ERBB4: variants seen among roughly 807,000 people sequenced by gnomAD.
ERBB4 encodes erb-b2 receptor tyrosine kinase 4.
A neutral mutation model predicts 158.0 loss-of-function variants in ERBB4; 42 were observed. The observed-to-expected ratio is 0.27, with a 90% confidence interval of 0.21 to 0.34. The LOEUF is 0.34. Ranked by LOEUF, ERBB4 falls within the 10% of genes least tolerant of loss-of-function variation. ERBB4 has a pLI of 1.00. For synonymous variants in ERBB4, 583 were observed against 558.7 expected, an observed-to-expected ratio of 1.04 and a Z score of -0.61; for missense variants, 1,333 against 1,624.1, an observed-to-expected ratio of 0.82 and a Z score of 3.08.
intron 2 of ERBB4, among the ~76,000 whole-genome samples, chr2:212,116,558 C>T (rs893943572): frequency 6.6e-6 from 1 of 152,112 alleles, no homozygotes; most frequent in Non-Finnish European, 1.5e-5. Flanking sequence ...CATGATCCTC[C>T]CACCTCAGCC....
At chr2:212,284,416 T>C (rs926897605) in intron 1 of ERBB4, among the ~76,000 whole-genome samples, 1 of 152,124 alleles carries the variant, frequency 6.6e-6, no homozygotes, top group Non-Finnish European at 1.5e-5. Flanking sequence ...GCATGTTGCA[T>C]TGTCTTTTAC....
At chr2:211,670,965 G>A (rs1311847129) in intron 14 of ERBB4, among the ~76,000 whole-genome samples, 1 of 152,010 alleles carries the variant, frequency 6.6e-6, no homozygotes, top group East Asian at 1.9e-4. Context: ...TGCTACAGAT[G>A]GTAAGCGAAC....
rs1688399280 is a variant in ERBB4 at position 212,458,259 on chromosome 2, A to AG, written c.82+80189dup. Among the ~76,000 whole-genome samples the AG allele has an allele frequency of 2.6e-5, 4 of 152,260 alleles. No homozygotes were observed. In the South Asian group the frequency reaches 8.3e-4, roughly 32 times the overall value. ...TGAAAGGACCATGCAAAGGCAGCCA[A>AG]GGGGAAAATTCCATTTTTTTTTAGG... is the stretch of plus-strand genomic sequence containing the variant. On this transcript the variant is annotated intron_variant, in intron 1 of 27. Coordinates refer to ENST00000342788, the MANE Select transcript of ERBB4 (RefSeq NM_005235.3).
At chr2:212,300,533 A>G (rs1333830279) in intron 1 of ERBB4, among the ~76,000 whole-genome samples, 15 of 151,658 alleles carry the variant, frequency 9.9e-5, no homozygotes. Context: ...TTTTTAAAAT[A>G]TCCCAGCCTA....
intron 3 of ERBB4, among the ~76,000 whole-genome samples, chr2:211,902,672 AG>A (rs2079268404): frequency 6.6e-6 from 1 of 151,698 alleles, no homozygotes. Flanking sequence ...TGGTTAATAA[AG>A]TCTCAAAATT....
chr2:212,286,762 G>C (rs2085993782), intron 1 of ERBB4, among the ~76,000 whole-genome samples: 1 of 14,940 alleles, frequency 6.7e-5, no homozygotes, highest in East Asian at 9.3e-4. Context: ...GCACCATGAG[G>C]GTTAATTTTT....
chr2:211,980,471 T>C (rs749085098), intron 2 of ERBB4, among the ~76,000 whole-genome samples: 26 of 152,190 alleles, frequency 1.7e-4, no homozygotes, highest in Non-Finnish European at 3.4e-4. Flanking sequence ...CATTACCTCA[T>C]GTGTTTACTT....
chr2:211,995,585 T>G (rs1370583414), intron 2 of ERBB4, among the ~76,000 whole-genome samples: 1 of 152,090 alleles, frequency 6.6e-6, no homozygotes, highest in African/African-American at 2.4e-5. Flanking sequence ...CCTTGATTTT[T>G]TATCCTTCTA....
intron 16 of ERBB4, among the ~76,000 whole-genome samples, chr2:211,637,554 T>C (rs2070405946): frequency 1.3e-5 from 2 of 152,172 alleles, no homozygotes; most frequent in African/African-American, 2.4e-5. Context: ...TTCCCTTTCA[T>C]AGAGGTAAAC....
chr2:211,433,013 T>A (rs2063775742), intron 20 of ERBB4, among the ~76,000 whole-genome samples: 1 of 152,032 alleles, frequency 6.6e-6, no homozygotes. Context: ...AAGGCCTAAG[T>A]AAGGGTTGAA....
chr2:211,953,371 C>T (rs1035016107), intron 2 of ERBB4, among the ~76,000 whole-genome samples: 2 of 146,212 alleles, frequency 1.4e-5, no homozygotes, highest in Non-Finnish European at 3.0e-5. Flanking sequence ...TACCCCAGAA[C>T]TTAAAGTATA....
At position 212,059,263 on chromosome 2, in the gene ERBB4, A is replaced by T. The variant is rs562725953; in HGVS notation, c.234+65489T>A. On this transcript the variant is annotated intron_variant, in intron 2 of 27. Coordinates refer to ENST00000342788, the MANE Select transcript of ERBB4 (RefSeq NM_005235.3). ...TGTGAAGGACCTCTTCAAGGAGAAC[A>T]ACAAACCACTGCTCAATGAAATAAA... 3.7e-3 allele frequency among the ~76,000 whole-genome samples: 557 copies of T among 152,196 alleles called. 4 individuals are homozygous for T. The highest frequency in any genetic ancestry group is 0.012 in the African/African-American group (504 of 41,556).
intron 3 of ERBB4, among the ~76,000 whole-genome samples, chr2:211,898,614 A>C (rs1021942636): frequency 6.6e-6 from 1 of 152,200 alleles, no homozygotes; most frequent in Non-Finnish European, 1.5e-5. Context: ...CAGTGACTTA[A>C]AAATCCATTA....
chr2:211,794,688 G>A (rs1473529253), intron 3 of ERBB4, among the ~76,000 whole-genome samples: 1 of 151,770 alleles, frequency 6.6e-6, no homozygotes, highest in African/African-American at 2.4e-5. Flanking sequence ...TAAGAAAGTA[G>A]TAATCCACTT....
At chr2:212,445,855 C>A (rs2092338298) in intron 1 of ERBB4, among the ~76,000 whole-genome samples, 1 of 152,226 alleles carries the variant, frequency 6.6e-6, no homozygotes, top group Admixed American at 6.5e-5. Flanking sequence ...ACACCACCTA[C>A]AACCACATGA....
chr2:211,691,115 T>C (rs2072798255), intron 12 of ERBB4, among the ~76,000 whole-genome samples: 1 of 152,226 alleles, frequency 6.6e-6, no homozygotes, highest in South Asian at 2.1e-4. Context: ...GGACAGGTAT[T>C]GTTCATCTTT....
At chr2:212,146,520 A>C (rs1400322728) in intron 1 of ERBB4, among the ~76,000 whole-genome samples, 1 of 152,132 alleles carries the variant, frequency 6.6e-6, no homozygotes, top group African/African-American at 2.4e-5. Context: ...AAAGTCAGCA[A>C]ACTTGAGGAC....
chr2:211,574,099 G>T (rs752915758), intron 19 of ERBB4, among the ~76,000 whole-genome samples: 1 of 152,106 alleles, frequency 6.6e-6, no homozygotes, highest in Non-Finnish European at 1.5e-5. Context: ...ATATCTAAAG[G>T]GAATAAAATC....
intron 20 of ERBB4, among the ~76,000 whole-genome samples, chr2:211,550,631 C>A (rs1432198191): frequency 3.6e-5 from 5 of 137,788 alleles, no homozygotes; most frequent in Admixed American, 7.4e-5. Context: ...ATGAATATAT[C>A]TATATATGAA....
Sources: gnomAD v4.1 joint callset for allele counts (sites outside exome capture counted in the v4.1 genomes callset) on GRCh38, gnomAD v4.1.1 for gene constraint, MANE v1.5 for transcripts, NCBI Gene and HGNC (gene_info 2026-07-23, HGNC 2026-07-21) for gene names.